Variants in TMEM132C observed in about 807,000 individuals in gnomAD.
The protein encoded by TMEM132C is transmembrane protein 132C.
TMEM132C carries 29 observed loss-of-function variants against 61.4 expected under a neutral mutation model. The observed-to-expected ratio is 0.47, with a 90% confidence interval of 0.35 to 0.64. The LOEUF is 0.64. Among genes scored for constraint, TMEM132C ranks in the 30% least tolerant of loss-of-function variants. TMEM132C has a pLI of 0.00. For missense variants in TMEM132C, 1,408 were observed against 1,476.9 expected (o/e 0.95, Z 0.76); for synonymous variants, 656 against 633.1 (o/e 1.04, Z -0.54).
At chr12:128,412,242 T>C (rs1169824051) in intron 1 of TMEM132C, among the ~76,000 whole-genome samples, 1 of 152,186 alleles carries the variant, frequency 6.6e-6, no homozygotes, top group African/African-American at 2.4e-5. Flanking sequence ...TGTCAAACAT[T>C]AACATGATTC....
At chr12:128,311,539 C>T (rs1871963527) in intron 1 of TMEM132C, among the ~76,000 whole-genome samples, 1 of 152,212 alleles carries the variant, frequency 6.6e-6, no homozygotes, top group South Asian at 2.1e-4. Context: ...GAAAATGTTG[C>T]CATAGTGACA....
chr12:128,549,863 A>G (rs1164957884), intron 3 of TMEM132C, among the ~76,000 whole-genome samples: 1 of 152,034 alleles, frequency 6.6e-6, no homozygotes, highest in East Asian at 1.9e-4. Context: ...CATGGGGGGA[A>G]CCGAGACATG....
chr12:128,487,600 TG>T (rs1565950740), intron 2 of TMEM132C, among the ~76,000 whole-genome samples: 14 of 85,990 alleles, frequency 1.6e-4, no homozygotes, highest in African/African-American at 6.6e-4. Context: ...TGTGTGTGTG[TG>T]GGTATATATA....
chr12:128,322,520 C>A (rs1335624274), intron 1 of TMEM132C, among the ~76,000 whole-genome samples: 1 of 152,220 alleles, frequency 6.6e-6, no homozygotes, highest in African/African-American at 2.4e-5. Context: ...AGAGGAAATT[C>A]CCTGTTAGGA....
intron 2 of TMEM132C, among the ~76,000 whole-genome samples, chr12:128,476,006 G>T (rs1485118823): frequency 6.6e-6 from 1 of 152,164 alleles, no homozygotes; most frequent in Non-Finnish European, 1.5e-5. Flanking sequence ...CTTTTGCTCT[G>T]ACTTTGTCCA....
intron 1 of TMEM132C, among the ~76,000 whole-genome samples, chr12:128,378,317 C>CA (rs1426191115): frequency 6.6e-6 from 1 of 151,996 alleles, no homozygotes; most frequent in Non-Finnish European, 1.5e-5. Flanking sequence ...GGGGTTTGAC[C>CA]ATGTTAGCCA....
intron 3 of TMEM132C, among the ~76,000 whole-genome samples, chr12:128,555,717 T>C (rs1171639452): frequency 6.6e-6 from 1 of 151,730 alleles, no homozygotes; most frequent in African/African-American, 2.4e-5. Context: ...CCTAACTTTT[T>C]TTTTTTTTTT....
rs75488689 is a variant in TMEM132C, at chr12:128,626,038, C to T, written c.1305+9703C>T. Among the ~76,000 whole-genome samples the T allele has an allele frequency of 9.6e-3, 1,466 of 152,190 alleles. 21 individuals are homozygous for T. The highest frequency in any genetic ancestry group is 0.034 in the African/African-American group (1,392 of 41,524). On this transcript the variant is annotated intron_variant, in intron 4 of 8. Coordinates refer to ENST00000435159, the MANE Select transcript of TMEM132C (RefSeq NM_001136103.3). ...TCACTGCTTTGAAAGTAAAGCACTA[C>T]ATCTTATTACTTAATTCAGTAATAA...
At chr12:128,453,690 C>T (rs889851040) in intron 2 of TMEM132C, among the ~76,000 whole-genome samples, 5 of 152,110 alleles carry the variant, frequency 3.3e-5, no homozygotes, top group African/African-American at 1.2e-4. Context: ...AGCAAACCAG[C>T]GCATGCAGGT....
At chr12:128,280,405 G>T (rs1870852996) in intron 1 of TMEM132C, among the ~76,000 whole-genome samples, 1 of 152,264 alleles carries the variant, frequency 6.6e-6, no homozygotes, top group Admixed American at 6.5e-5. Context: ...CTTCCTTGTA[G>T]ACAAGAGATT....
intron 1 of TMEM132C, among the ~76,000 whole-genome samples, chr12:128,290,134 C>G (rs1871205666): frequency 6.6e-6 from 1 of 152,126 alleles, no homozygotes; most frequent in African/African-American, 2.4e-5. Flanking sequence ...CATATAAAAC[C>G]CAGTAGGGCG....
At chr12:128,696,134 C>A (rs779119729) in intron 7 of TMEM132C, 31 bp downstream of exon 7, 67 of 1,543,078 alleles carry the variant, frequency 4.3e-5, no homozygotes, top group Non-Finnish European at 5.7e-5. Flanking sequence ...GTGTCCCCAG[C>A]ACTGGGCATG....
In TMEM132C at chr12:128,695,177, G is replaced by A. The variant is rs184051949; in HGVS notation, c.1656-653G>A. On this transcript the variant is annotated intron_variant, in intron 6 of 8. Transcript: ENST00000435159. ...CAAGTAGCTATGGAGTGCCTGGACT[G>A]TAGCCAGTGTGATGAGGTTCAATTT... 1.8e-3 allele frequency among the ~76,000 whole-genome samples: 280 copies of A among 152,302 alleles called. 2 individuals are homozygous for A. The highest frequency in any genetic ancestry group is 3.0e-3 in the Non-Finnish European group (206 of 68,036).
At chr12:128,537,309 A>G (rs1396012430) in intron 2 of TMEM132C, among the ~76,000 whole-genome samples, 2 of 152,196 alleles carry the variant, frequency 1.3e-5, no homozygotes, top group African/African-American at 4.8e-5. Context: ...AGTCTTTGGT[A>G]TCTGGAGCAA....
At chr12:128,300,537 G>T (rs1002046333) in intron 1 of TMEM132C, among the ~76,000 whole-genome samples, 2 of 152,202 alleles carry the variant, frequency 1.3e-5, no homozygotes, top group Non-Finnish European at 2.9e-5. Context: ...CTGAGTTACA[G>T]TGATGCCTTT....
At chr12:128,641,110 T>A (rs1954154626) in intron 4 of TMEM132C, among the ~76,000 whole-genome samples, 1 of 152,130 alleles carries the variant, frequency 6.6e-6, no homozygotes, top group Non-Finnish European at 1.5e-5. Flanking sequence ...AGGAGATGAA[T>A]GCTCAGATCT....
At chr12:128,647,595 T>C (rs1340140753) in intron 4 of TMEM132C, among the ~76,000 whole-genome samples, 4 of 151,974 alleles carry the variant, frequency 2.6e-5, no homozygotes, top group African/African-American at 9.7e-5. Flanking sequence ...TGAGTGTGTT[T>C]ACTAGAGTCC....
intron 1 of TMEM132C, among the ~76,000 whole-genome samples, chr12:128,388,557 C>G (rs1388719068): frequency 1.3e-5 from 2 of 152,028 alleles, no homozygotes; most frequent in Non-Finnish European, 2.9e-5. Context: ...AGACTGCTTC[C>G]CTGGAGAAGG....
chr12:128,665,831 TCA>T (rs199957195), intron 4 of TMEM132C, among the ~76,000 whole-genome samples: 2 of 23,864 alleles, frequency 8.4e-5, no homozygotes, highest in Admixed American at 3.8e-4. Flanking sequence ...TCACAGGCAC[TCA>T]CACAAACACA....
Sources: allele counts gnomAD v4.1 joint callset (sites outside exome capture counted in the v4.1 genomes callset), GRCh38; gene constraint gnomAD v4.1.1; transcripts MANE v1.5; gene names NCBI Gene and HGNC (gene_info 2026-07-23, HGNC 2026-07-21).